Variants in FBXO36 observed in about 807,000 individuals in gnomAD.
FBXO36 encodes the protein F-box only protein 36.
A neutral mutation model predicts 17.0 loss-of-function variants in FBXO36; 18 were observed. That is an observed-to-expected ratio of 1.06 (90% CI 0.73 to 1.57). FBXO36 has a LOEUF of 1.57. Among genes scored for constraint, FBXO36 ranks in the 40% most tolerant of loss-of-function variants. The probability of loss-of-function intolerance (pLI) is 0.00; values close to 1 mark genes in which losing one functional copy is unlikely to be tolerated. For missense variants in FBXO36, 229 were observed against 221.9 expected (o/e 1.03, Z -0.20); for synonymous variants, 83 against 85.3 (o/e 0.97, Z 0.15).
chr2:229,943,798 CTGA>C (rs2106165902), intron 1 of FBXO36, among the ~76,000 whole-genome samples: 1 of 152,300 alleles, frequency 6.6e-6, no homozygotes, highest in East Asian at 1.9e-4. Context: ...TGTCTGTTTG[CTGA>C]ATGAGATTCT....
At chr2:229,981,783 A>G (rs1274076603) in intron 2 of FBXO36, among the ~76,000 whole-genome samples, 1 of 151,900 alleles carries the variant, frequency 6.6e-6, no homozygotes, top group Non-Finnish European at 1.5e-5. Flanking sequence ...CTGTTGTATT[A>G]GTCTGTTCTC....
intron 1 of FBXO36, among the ~76,000 whole-genome samples, chr2:229,952,628 C>T (rs1436380774): frequency 2.0e-5 from 3 of 152,096 alleles, no homozygotes; most frequent in Admixed American, 6.6e-5. Context: ...TAAAGTGCCT[C>T]GCATCCCCAG....
At chr2:229,989,964 T>C (rs2077290058) in intron 2 of FBXO36, among the ~76,000 whole-genome samples, 1 of 151,966 alleles carries the variant, frequency 6.6e-6, no homozygotes, top group Non-Finnish European at 1.5e-5. Flanking sequence ...CATTCTGGTC[T>C]TATTTCTGAC....
intron 1 of FBXO36, among the ~76,000 whole-genome samples, chr2:229,963,373 G>T (rs1210753809): frequency 3.4e-5 from 5 of 146,952 alleles, no homozygotes; most frequent in African/African-American, 1.0e-4. Flanking sequence ...CCCCCAGGTT[G>T]TTTTTTTTAG....
intron 2 of FBXO36, among the ~76,000 whole-genome samples, chr2:229,991,047 C>T (rs1174302506): frequency 6.6e-6 from 1 of 151,766 alleles, no homozygotes; most frequent in Non-Finnish European, 1.5e-5. Flanking sequence ...GCAATTCTTC[C>T]ACCTCAGCCT....
Position 229,922,513 on chromosome 2 carries a change from G to A in FBXO36, c.-1G>A. On this transcript the variant is annotated 5_prime_UTR_variant, in exon 1 of 4. Transcript: ENST00000283946. Reference sequence around the variant, plus strand: ...CTTAGCGACGGCGGTGGCGTCCCAAGATGGCGTCGTGGCTGCCGGAGACTC... The same window carrying A: ...CTTAGCGACGGCGGTGGCGTCCCAAAATGGCGTCGTGGCTGCCGGAGACTC... The A allele has an allele frequency of 6.2e-7, 1 of 1,613,994 alleles. No individual in the cohort carries two copies. Among genetic ancestry groups the A allele is most frequent in the Non-Finnish European group, 8.5e-7 (1 of 1,179,984 alleles).
intron 3 of FBXO36, among the ~76,000 whole-genome samples, chr2:230,007,608 CTT>C (rs60580728): frequency 0.038 from 5,544 of 146,398 alleles, 362 homozygotes; most frequent in African/African-American, 0.13. Flanking sequence ...CAACAATTTT[CTT>C]TTTTTTTTTG....
intron 1 of FBXO36, among the ~76,000 whole-genome samples, chr2:229,963,238 G>A (rs765418460): frequency 6.6e-6 from 1 of 151,128 alleles, no homozygotes; most frequent in Admixed American, 6.6e-5. Context: ...GCTAATTTTC[G>A]TATTTTTAGT....
intron 1 of FBXO36, among the ~76,000 whole-genome samples, chr2:229,956,111 T>G (rs146690004): frequency 6.6e-6 from 1 of 152,334 alleles, no homozygotes; most frequent in East Asian, 1.9e-4. Flanking sequence ...ATTATCATTT[T>G]GGGAGCTGTA....
chr2:229,943,375 G>C (rs1165050487), intron 1 of FBXO36: 5 of 152,266 alleles, frequency 3.3e-5, no homozygotes, highest in African/African-American at 4.8e-5. Context: ...GGTCCAATCA[G>C]CAGTGGCTGG....
chr2:230,005,716 G>A (rs923532926), intron 3 of FBXO36, among the ~76,000 whole-genome samples: 6 of 152,046 alleles, frequency 3.9e-5, no homozygotes, highest in African/African-American at 7.2e-5. Flanking sequence ...TACTCAGGTC[G>A]GAGTGCAGTG....
chr2:229,995,612 G>GTTTTCT (rs2077322663), intron 2 of FBXO36, among the ~76,000 whole-genome samples: 1 of 79,064 alleles, frequency 1.3e-5, no homozygotes, highest in Non-Finnish European at 2.6e-5. Flanking sequence ...TTTTTTTTTG[G>GTTTTCT]ACAGAATTTC....
At chr2:229,966,000 G>GTAAAAGTGTTTC (rs1180807304) in intron 1 of FBXO36, among the ~76,000 whole-genome samples, 22 of 152,174 alleles carry the variant, frequency 1.4e-4, no homozygotes, top group Admixed American at 1.4e-3. Flanking sequence ...CACCAACAGT[G>GTAAAAGTGTTTC]TAAAAGTGTT....
chr2:229,938,892 T>C (rs1438488568), intron 1 of FBXO36, among the ~76,000 whole-genome samples: 1 of 148,522 alleles, frequency 6.7e-6, no homozygotes, highest in Non-Finnish European at 1.5e-5. Context: ...CCCGAGTAGC[T>C]GGGATTACAG....
intron 1 of FBXO36, among the ~76,000 whole-genome samples, chr2:229,935,439 G>A (rs1293837323): frequency 6.6e-6 from 1 of 152,066 alleles, no homozygotes; most frequent in Non-Finnish European, 1.5e-5. Flanking sequence ...CTTGAACCTG[G>A]GAGGTGGAGG....
chr2:229,972,140 C>T (rs1162492138), intron 1 of FBXO36, among the ~76,000 whole-genome samples: 4 of 151,714 alleles, frequency 2.6e-5, no homozygotes, highest in African/African-American at 9.7e-5. Context: ...ATTACAGGCT[C>T]CTGCCACCAT....
intron 1 of FBXO36, among the ~76,000 whole-genome samples, chr2:229,929,218 G>C (rs2076926918): frequency 1.3e-5 from 2 of 152,186 alleles, no homozygotes; most frequent in Admixed American, 1.3e-4. Context: ...ACAGGCGTGA[G>C]CCACTGCACC....
intron 1 of FBXO36, among the ~76,000 whole-genome samples, chr2:229,970,191 A>G (rs968778991): frequency 6.6e-6 from 1 of 152,180 alleles, no homozygotes; most frequent in Non-Finnish European, 1.5e-5. Flanking sequence ...GCAGACTTAT[A>G]TTCATACGAA....
intron 1 of FBXO36, among the ~76,000 whole-genome samples, chr2:229,931,812 C>T (rs1182104414): frequency 6.6e-6 from 1 of 152,072 alleles, no homozygotes; most frequent in Non-Finnish European, 1.5e-5. Context: ...GCACTCTGGC[C>T]TGGGCGACAG....
Sources: gnomAD v4.1 joint callset for allele counts (sites outside exome capture counted in the v4.1 genomes callset) on GRCh38, gnomAD v4.1.1 for gene constraint, MANE v1.5 for transcripts, NCBI Gene and HGNC (gene_info 2026-07-23, HGNC 2026-07-21) for gene names.